The following HPS1 variants were observed in gnomAD, a reference collection of about 807,000 sequenced individuals.
HPS1 encodes the protein BLOC-3 complex member HPS1.
HPS1 carries 59 observed loss-of-function variants against 90.6 expected under a neutral mutation model. The observed-to-expected ratio is 0.65, with a 90% confidence interval of 0.53 to 0.81. The LOEUF is 0.81. HPS1 is among the 30% of genes least tolerant of loss of function. The pLI is 0.00. For missense variants in HPS1, 849 were observed against 896.7 expected (o/e 0.95, Z 0.68); for synonymous variants, 388 against 384.4 (o/e 1.01, Z -0.11).
chr10:98,433,909 CA>C, intron 6 of HPS1, 73 bp downstream of exon 6: 1 of 1,541,900 alleles, frequency 6.5e-7, no homozygotes, highest in South Asian at 1.2e-5. Flanking sequence ...AGGGTTAAAA[CA>C]TGGTCTTAAA....
Position 98,435,040 on chromosome 10 carries a change from G to A in HPS1, c.398+232C>T, listed in dbSNP as rs572055332. The A allele has an allele frequency of 1.8e-6, 1 of 560,460 alleles. No individual in the cohort carries two copies. Among genetic ancestry groups the A allele is most frequent in the Non-Finnish European group, 3.2e-6 (1 of 312,924 alleles). 34.7% of individuals were successfully genotyped at this position (560,460 alleles called of 1,614,324 possible). The stretch of plus-strand genomic sequence containing the variant: ...CCAGTTTGGATGTGGCCACCAACCA[G>A]CTAGATGACCCCAGGCAAGTGAGTT... On this transcript the variant is annotated intron_variant, in intron 5 of 19. Coordinates refer to ENST00000361490, the MANE Select transcript of HPS1 (RefSeq NM_000195.5). This position sits in a 1 kb window ranked among gnomAD's most constrained non-coding sequence, Gnocchi z 4.3.
Position 98,423,672 on chromosome 10 carries a change from C to G in HPS1, c.1533-4G>C. On this transcript the variant is annotated splice_region_variant and splice_polypyrimidine_tract_variant and intron_variant, in intron 15 of 19. Transcript: ENST00000361490. Reference sequence around the variant, plus strand: ...CTTCCAGTCCGTCAGCTTCTCCCTGCCGAGGGAAGCTCGGGCTGCGTGAAG... The same window carrying G: ...CTTCCAGTCCGTCAGCTTCTCCCTGGCGAGGGAAGCTCGGGCTGCGTGAAG... 1 of 1,614,078 alleles carries G rather than the reference C, an allele frequency of 6.2e-7. No homozygotes were observed. The highest frequency in any genetic ancestry group is 2.2e-5 in the East Asian group (1 of 44,870).
rs921266307 is a variant in HPS1, at chr10:98,423,761, C to A, written c.1524G>T (p.Arg508Ser). Residue 508 changes from arginine to serine, a missense_variant, in exon 15 of 20, where the codon AGG becomes AGT. Coordinates refer to ENST00000361490, the MANE Select transcript of HPS1 (RefSeq NM_000195.5). ...GGCCGCACTGCACTTACCGCATGAG[C>A]CTCTGCACTTGGTCCTGCAGGTGCT... ...LPQHLQDQVQ[R>S]LMREKLTDWK... The A allele has an allele frequency of 1.2e-6, 2 of 1,614,144 alleles. No individual in the cohort carries two copies. The highest frequency in any genetic ancestry group is 1.1e-5 in the South Asian group (1 of 91,080).
In HPS1 at chr10:98,435,943, G is replaced by A. The variant is rs554248211; in HGVS notation, c.118-171C>T. On this transcript the variant is annotated intron_variant, in intron 3 of 19. Coordinates refer to ENST00000361490, the MANE Select transcript of HPS1 (RefSeq NM_000195.5). This position sits in a 1 kb window ranked among gnomAD's most constrained non-coding sequence, Gnocchi z 4.3. ...AAAAAGAGACTGTCCCCAACACTTCGGGTGGTGGTTAGGAAGAATGGGGAG... is the reference window on the plus strand; with the variant it reads ...AAAAAGAGACTGTCCCCAACACTTCAGGTGGTGGTTAGGAAGAATGGGGAG... Among the ~76,000 whole-genome samples, 5 of 152,298 alleles carry A rather than the reference G, an allele frequency of 3.3e-5. No individual in the cohort carries two copies. The East Asian group carries it at 7.7e-4, about 24-fold the overall frequency.
chr10:98,432,459 T>C (rs1846612636), intron 6 of HPS1, among the ~76,000 whole-genome samples: 2 of 152,234 alleles, frequency 1.3e-5, no homozygotes, highest in South Asian at 2.1e-4. Context: ...TATATGTTTA[T>C]TGGAAGAGTG....
chr10:98,415,261 C>T (rs889337327), downstream of HPS1: 1 of 1,280,960 alleles, frequency 7.8e-7, no homozygotes, highest in Admixed American at 2.5e-5. Flanking sequence ...CCTCCAGGCC[C>T]CCTCCACCAT....
At chr10:98,434,596 C>A (rs1847022207) in intron 5 of HPS1, among the ~76,000 whole-genome samples, 1 of 151,790 alleles carries the variant, frequency 6.6e-6, no homozygotes, top group East Asian at 1.9e-4. Flanking sequence ...TTGAGAAATG[C>A]CTCAATATGG....
chr10:98,431,433 C>G (rs1186999803), intron 6 of HPS1, 142 bp from the exon 7 acceptor site: 6 of 818,996 alleles, frequency 7.3e-6, no homozygotes, highest in Non-Finnish European at 1.2e-5. Context: ...GGACTAAGAC[C>G]CACCAGGTCC....
chr10:98,425,996 A>C lies in HPS1; in HGVS notation c.988-11T>G. 1 of 1,613,158 alleles carries C rather than the reference A, an allele frequency of 6.2e-7. No individual in the cohort carries two copies. Among genetic ancestry groups the C allele is most frequent in the Non-Finnish European group, 8.5e-7 (1 of 1,179,332 alleles). Reference sequence around the variant, plus strand: ...GGTGTCCTCTGCTATCTACAGAGGAAGAAGAGCTGCAGTGAGAGGTGGGAT... The same window carrying C: ...GGTGTCCTCTGCTATCTACAGAGGACGAAGAGCTGCAGTGAGAGGTGGGAT... On this transcript the variant is annotated splice_polypyrimidine_tract_variant and intron_variant, in intron 11 of 19. Transcript: ENST00000361490.
At chr10:98,434,637 T>A (rs1847032352) in intron 5 of HPS1, among the ~76,000 whole-genome samples, 1 of 151,754 alleles carries the variant, frequency 6.6e-6, no homozygotes. Context: ...AAAACTAAAG[T>A]CCCAGAGCTT....
At chr10:98,427,185 G>T in intron 11 of HPS1, 30 bp downstream of exon 11, 2 of 1,542,656 alleles carry the variant, frequency 1.3e-6, no homozygotes, top group Non-Finnish European at 1.8e-6. Flanking sequence ...CAGATCAGCT[G>T]GCGCCCAGGC....
At chr10:98,426,212 A>G in intron 11 of HPS1, 1 of 550,328 alleles carries the variant, frequency 1.8e-6, no homozygotes, top group Non-Finnish European at 3.3e-6. Context: ...CCGGGTGCCA[A>G]GCAGGGCAGT....
rs78504928 is a variant in HPS1, at chr10:98,435,731, C to T, written c.159G>A (p.Pro53=). 4,522 of 1,614,094 alleles carry T rather than the reference C, an allele frequency of 2.8e-3. 99 individuals are homozygous for T. In the African/African-American group the frequency reaches 0.047, roughly 17 times the overall value. The change falls in exon 4 of 20, where the codon CCG becomes CCA. Residue 53 remains proline (P), a synonymous_variant. Transcript: ENST00000361490. The surrounding 1 kb of genome is among the most constrained non-coding windows in gnomAD (Gnocchi z 4.3). The stretch of plus-strand genomic sequence containing the variant: ...GCATCGTCATGGAGGAGATGATGAC[C>T]GGGGCTAGGAGGGTGCTGAGCTGGT... ...LEDQLSTLLA[P]VIISSMTMLE...
chr10:98,425,750 C>T lies in HPS1; in HGVS notation c.1156-30G>A, dbSNP rs767135497. The T allele has an allele frequency of 1.6e-5, 26 of 1,597,388 alleles. No homozygotes were observed. The Middle Eastern group carries it at 5.0e-4, about 31-fold the overall frequency. Reference sequence around the variant, plus strand: ...GGGTAAGGGCCGAGAGGCGGGTGAACGGGGCTGCCCCTGGGGAAGACGTGC... The same window carrying T: ...GGGTAAGGGCCGAGAGGCGGGTGAATGGGGCTGCCCCTGGGGAAGACGTGC... On this transcript the variant is annotated intron_variant, in intron 12 of 19. Transcript: ENST00000361490.
At chr10:98,414,569 G>C (rs1397621398), downstream of HPS1, among the ~76,000 whole-genome samples, 1 of 152,194 alleles carries the variant, frequency 6.6e-6, no homozygotes. Flanking sequence ...GGCCTCAGTG[G>C]TAAGGTAGTG....
rs200554296 is a variant in HPS1, at chr10:98,429,772, C to T, written c.867+19G>A. On this transcript the variant is annotated intron_variant, in intron 9 of 19. Coordinates refer to ENST00000361490, the MANE Select transcript of HPS1 (RefSeq NM_000195.5). Reference sequence around the variant, plus strand: ...CGATCCCCTCCTGCCCCTGACTCCACGAAGTGCACAGCACACACCGTCTCT... The same window carrying T: ...CGATCCCCTCCTGCCCCTGACTCCATGAAGTGCACAGCACACACCGTCTCT... 19 of 1,613,712 alleles carry T rather than the reference C, an allele frequency of 1.2e-5. No homozygotes were observed. The highest frequency in any genetic ancestry group is 2.7e-5 in the African/African-American group (2 of 75,044).
chr10:98,441,070 G>A (rs1938329200), intron 3 of HPS1, among the ~76,000 whole-genome samples: 1 of 152,178 alleles, frequency 6.6e-6, no homozygotes, highest in African/African-American at 2.4e-5. Context: ...GACTCCCTGA[G>A]GTGGAGTCAG....
intron 15 of HPS1, 24 bp downstream of exon 15, chr10:98,423,729 C>T (rs2136135411): frequency 6.2e-7 from 1 of 1,614,088 alleles, no homozygotes; most frequent in Non-Finnish European, 8.5e-7. Flanking sequence ...GCCCTGGCCA[C>T]CCAGGGGGCC....
At chr10:98,440,981 C>T (rs1938311499) in intron 3 of HPS1, among the ~76,000 whole-genome samples, 1 of 152,186 alleles carries the variant, frequency 6.6e-6, no homozygotes, top group Non-Finnish European at 1.5e-5. Flanking sequence ...AATAAAACCA[C>T]TTGAATGTCT....
Sources: gnomAD v4.1 joint callset for allele counts (sites outside exome capture counted in the v4.1 genomes callset) on GRCh38, gnomAD v4.1.1 for gene constraint, Gnocchi (gnomAD v3.1) non-coding constraint, MANE v1.5 for transcripts, NCBI Gene and HGNC (gene_info 2026-07-23, HGNC 2026-07-21) for gene names.